The following SPINK2 variants were observed in gnomAD, a reference collection of about 807,000 sequenced individuals.
SPINK2 encodes serine peptidase inhibitor Kazal type 2, also known as serine protease inhibitor Kazal-type 2.
A neutral mutation model predicts 13.5 loss-of-function variants in SPINK2; 8 were observed. The ratio of observed to expected loss-of-function variants is 0.59; its 90% CI spans 0.35 to 1.07. SPINK2 has a LOEUF of 1.07. SPINK2 is among the 50% of genes least tolerant of loss of function. The probability of loss-of-function intolerance (pLI) is 0.02; values close to 1 mark genes in which losing one functional copy is unlikely to be tolerated. For synonymous variants in SPINK2, 76 were observed against 74.7 expected (o/e 1.02, Z -0.09); for missense variants, 148 against 180.3 (o/e 0.82, Z 1.03).
chr4:56,810,393 G>T, intron 3 of SPINK2: 1 of 546,542 alleles, frequency 1.8e-6, no homozygotes, highest in Non-Finnish European at 3.2e-6. Flanking sequence ...TAGGGCACAG[G>T]ACACTAACCC....
At position 56,821,653 on chromosome 4, in the gene SPINK2, A is replaced by C. The variant is rs1321908146; in HGVS notation, c.10T>G (p.Ser4Ala). 12 of 1,539,940 alleles carry C rather than the reference A, an allele frequency of 7.8e-6. No individual in the cohort carries two copies. The highest frequency in any genetic ancestry group is 8.7e-6 in the Non-Finnish European group (10 of 1,144,874). The change falls in exon 1 of 4, where the codon TCG becomes GCG. Residue 4 changes from serine (S) to alanine (A), a missense_variant. Transcript: ENST00000506738. Reference sequence around the variant, plus strand: ...AGCAGCAGCGCCAAGCGCAGCACCGACAGCGCCATCCTCCTCCCGCGCCGG... The same window carrying C: ...AGCAGCAGCGCCAAGCGCAGCACCGCCAGCGCCATCCTCCTCCCGCGCCGG... The part of the protein sequence containing the change: MAL[S>A]VLRLALLLLA...
At chr4:56,811,611 T>C (rs753947225) in intron 3 of SPINK2, 74 bp downstream of exon 3, 188 of 1,003,154 alleles carry the variant, frequency 1.9e-4, no homozygotes, top group Non-Finnish European at 2.4e-4. Flanking sequence ...AGTGAGACTC[T>C]GTCAAAAAAA....
At chr4:56,810,414 C>T (rs1716882037) in intron 3 of SPINK2, 1 of 498,732 alleles carries the variant, frequency 2.0e-6, no homozygotes, top group South Asian at 2.5e-5. Context: ...CAAAGAATCA[C>T]TCAGAGAGCT....
In SPINK2 at chr4:56,820,554, C is replaced by T. The variant is rs1338516291; in HGVS notation, c.231G>A (p.Leu77=). 6.2e-7 allele frequency: 1 copy of T among 1,611,108 alleles called. No homozygotes were observed. The highest frequency in any genetic ancestry group is 1.7e-5 in the Admixed American group (1 of 59,984). Residue 77 remains leucine (L), a synonymous_variant, in exon 2 of 4, where the codon CTG becomes CTA. Coordinates refer to ENST00000506738, the MANE Select transcript of SPINK2 (RefSeq NM_001271718.2). ...TACTTACCGTTCTATATTTTGAAAA[C>T]AGACCAAATTGAGGGATCAGAGAGG... ...LPASLIPQFG[L]FSKYRTPNCS... is the part of the protein sequence containing the mutation.
intron 2 of SPINK2, among the ~76,000 whole-genome samples, chr4:56,819,996 A>T (rs926668986): frequency 6.6e-6 from 1 of 152,168 alleles, no homozygotes; most frequent in African/African-American, 2.4e-5. Flanking sequence ...ACCAGAGAAA[A>T]CCAAATACAC....
intron 2 of SPINK2, among the ~76,000 whole-genome samples, chr4:56,819,293 T>A (rs911401606): frequency 6.6e-6 from 1 of 152,202 alleles, no homozygotes; most frequent in African/African-American, 2.4e-5. Context: ...AGAAGCCTAC[T>A]CTGAGCTGAA....
chr4:56,821,436 C>G, intron 1 of SPINK2, 22 bp downstream of exon 1: 1 of 1,496,182 alleles, frequency 6.7e-7, no homozygotes, highest in Non-Finnish European at 8.9e-7. Context: ...ACCCCCACAA[C>G]CCCCAGTTCG....
chr4:56,810,179 C>G lies in SPINK2; in HGVS notation c.365G>C (p.Gly122Ala). 6.2e-7 allele frequency: 1 copy of G among 1,607,924 alleles called. No homozygotes were observed. Among genetic ancestry groups the G allele is most frequent in the Non-Finnish European group, 8.5e-7 (1 of 1,176,470 alleles). The change falls in exon 4 of 4, where the codon GGT becomes GCT. Residue 122 changes from glycine (G) to alanine (A), a missense_variant. By Grantham distance (60) the Gly-to-Ala change is moderately conservative. Coordinates refer to ENST00000506738, the MANE Select transcript of SPINK2 (RefSeq NM_001271718.2). ...TCGAATGATTTTAATATTATGACCA[C>G]CTTCCCTGCAAATTGAACAATCATA... is the stretch of plus-strand genomic sequence containing the variant. The part of the protein sequence containing the change: ...ECTLCMKIRE[G>A]GHNIKIIRNG...
chr4:56,816,441 C>T (rs1578433153), intron 2 of SPINK2, among the ~76,000 whole-genome samples: 1 of 151,898 alleles, frequency 6.6e-6, no homozygotes, highest in African/African-American at 2.4e-5. Context: ...CACTTGAGGT[C>T]AGGAATTCAA....
intron 2 of SPINK2, among the ~76,000 whole-genome samples, chr4:56,819,030 A>G (rs1717702344): frequency 6.6e-6 from 1 of 152,200 alleles, no homozygotes. Context: ...TGAGAAGCAT[A>G]GCTCCACCAC....
At chr4:56,810,392 G>A in intron 3 of SPINK2, 1 of 549,188 alleles carries the variant, frequency 1.8e-6, no homozygotes. Flanking sequence ...CTAGGGCACA[G>A]GACACTAACC....
chr4:56,820,641 GTTTT>G, intron 1 of SPINK2, 62 bp from the exon 2 acceptor site: 1 of 1,075,686 alleles, frequency 9.3e-7, no homozygotes, highest in Non-Finnish European at 1.3e-6. Flanking sequence ...TGTTCATGAA[GTTTT>G]TTTTTTTTTT....
At chr4:56,818,355 T>C (rs1717633628) in intron 2 of SPINK2, 1 of 152,168 alleles carries the variant, frequency 6.6e-6, no homozygotes, top group Non-Finnish European at 1.5e-5. Flanking sequence ...TTTAACAATC[T>C]TGTCAAAAGA....
At chr4:56,817,619 G>T (rs781536) in intron 2 of SPINK2, among the ~76,000 whole-genome samples, 3 of 110,886 alleles carry the variant, frequency 2.7e-5, no homozygotes, top group Admixed American at 1.9e-4. Flanking sequence ...GGGAGGCCGA[G>T]GCGGGCAGAT....
rs1488084967 is a variant in SPINK2, at chr4:56,810,139, T to A, written c.405A>T (p.Ter135CysextTer19). ...NIKIIRNGPC[*>C] is the part of the protein sequence containing the mutation. Reference sequence around the variant, plus strand: ...ATCTTCTTTTCTGTAAACTGCTCCATCAGCAGGGTCCATTTCGAATGATTT... The same window carrying A: ...ATCTTCTTTTCTGTAAACTGCTCCAACAGCAGGGTCCATTTCGAATGATTT... The change falls in exon 4 of 4, where the codon TGA (stop) becomes TGT (cysteine). Residue 135 changes from the stop codon to cysteine (C), a stop_lost. Transcript: ENST00000506738. 1 of 1,608,512 alleles carries A rather than the reference T, an allele frequency of 6.2e-7. No homozygotes were observed. The highest frequency in any genetic ancestry group is 8.5e-7 in the Non-Finnish European group (1 of 1,177,100).
intron 2 of SPINK2, among the ~76,000 whole-genome samples, chr4:56,814,886 A>G (rs1250747170): frequency 6.6e-6 from 1 of 150,454 alleles, no homozygotes; most frequent in East Asian, 2.0e-4. Flanking sequence ...GCGTGAACCC[A>G]GGAGGCACAG....
At chr4:56,810,284 G>T in intron 3 of SPINK2, 100 bp from the exon 4 acceptor site, 1 of 954,660 alleles carries the variant, frequency 1.0e-6, no homozygotes, top group Non-Finnish European at 1.6e-6. Flanking sequence ...ATATATATTA[G>T]ATTCCTTCCA....
chr4:56,811,642 A>G, intron 3 of SPINK2, 43 bp downstream of exon 3: 1 of 1,323,212 alleles, frequency 7.6e-7, no homozygotes, highest in South Asian at 1.3e-5. Context: ...AAAAAAAGAA[A>G]TGAAGAAAAC....
At position 56,813,537 on chromosome 4, in the gene SPINK2, G is replaced by A. The variant is rs115778394; in HGVS notation, c.250-1743C>T. Among the ~76,000 whole-genome samples, 574 of 152,066 alleles carry A rather than the reference G, an allele frequency of 3.8e-3. 8 individuals carry two copies. Among genetic ancestry groups the A allele is most frequent in the African/African-American group, 0.013 (531 of 41,488 alleles). ...GAGCTCTGCCTCCTGTCAGGTCAGCGATGGCATTAGATTCTCATAGGAGCA... is the reference window on the plus strand; with the variant it reads ...GAGCTCTGCCTCCTGTCAGGTCAGCAATGGCATTAGATTCTCATAGGAGCA... On this transcript the variant is annotated intron_variant, in intron 2 of 3. Transcript: ENST00000506738.
Sources: allele counts gnomAD v4.1 joint callset (sites outside exome capture counted in the v4.1 genomes callset), GRCh38; gene constraint gnomAD v4.1.1; transcripts MANE v1.5; gene names NCBI Gene and HGNC (gene_info 2026-07-23, HGNC 2026-07-21).